The following HS3ST5 variants were observed in gnomAD, a reference collection of about 807,000 sequenced individuals.
HS3ST5 encodes the protein heparan sulfate-glucosamine 3-sulfotransferase 5, also known as heparan sulfate glucosamine 3-O-sulfotransferase 5.
Under a neutral mutation model 25.4 loss-of-function variants are expected in HS3ST5, and 10 were observed. The ratio of observed to expected loss-of-function variants is 0.39; its 90% CI spans 0.24 to 0.67. HS3ST5 has a LOEUF of 0.67. HS3ST5 is among the 30% of genes least tolerant of loss of function. The probability of loss-of-function intolerance (pLI) is 0.44; values close to 1 mark genes in which losing one functional copy is unlikely to be tolerated. For synonymous variants in HS3ST5, 170 were observed against 162.4 expected (o/e 1.05, Z -0.36); for missense variants, 324 against 420.7 (o/e 0.77, Z 2.01).
intron 1 of HS3ST5, among the ~76,000 whole-genome samples, chr6:114,234,122 A>C (rs1379699361): frequency 6.6e-6 from 1 of 152,128 alleles, no homozygotes; most frequent in Non-Finnish European, 1.5e-5. Context: ...GACGATGCAA[A>C]TTTTGTGCCT....
rs529777332 is a variant in HS3ST5, at chr6:114,189,686, T to G, written c.-144-21224A>C. On this transcript the variant is annotated intron_variant, in intron 2 of 4. Transcript: ENST00000312719. Reference sequence around the variant, plus strand: ...TTGTTTTCTGAATGTGCCTCTTTTATACCATACTCTTTTTCCACTGAGGCA... The same window carrying G: ...TTGTTTTCTGAATGTGCCTCTTTTAGACCATACTCTTTTTCCACTGAGGCA... Among the ~76,000 whole-genome samples, 6 of 152,338 alleles carry G rather than the reference T, an allele frequency of 3.9e-5. No homozygotes were observed. In the South Asian group the frequency reaches 1.2e-3, roughly 32 times the overall value.
intron 1 of HS3ST5, among the ~76,000 whole-genome samples, chr6:114,256,046 GCT>G (rs1478496611): frequency 6.6e-6 from 1 of 152,002 alleles, no homozygotes; most frequent in Non-Finnish European, 1.5e-5. Context: ...AAACTTTTAT[GCT>G]CTGTTTCCCT....
intron 3 of HS3ST5, among the ~76,000 whole-genome samples, chr6:114,162,026 T>C (rs1259155778): frequency 2.0e-5 from 3 of 152,090 alleles, no homozygotes; most frequent in Non-Finnish European, 4.4e-5. Context: ...AAATGAAACA[T>C]CATTTTTTAG....
chr6:114,236,774 T>C (rs1771875962), intron 1 of HS3ST5, among the ~76,000 whole-genome samples: 1 of 152,204 alleles, frequency 6.6e-6, no homozygotes, highest in Non-Finnish European at 1.5e-5. Flanking sequence ...CACTTTTCCA[T>C]CTCTCCACAA....
intron 3 of HS3ST5, among the ~76,000 whole-genome samples, chr6:114,106,939 C>T (rs1776022994): frequency 6.6e-6 from 1 of 151,974 alleles, no homozygotes; most frequent in East Asian, 1.9e-4. Flanking sequence ...AGAAGACCAA[C>T]AAATGGTATA....
At chr6:114,105,021 T>C (rs1775924067) in intron 3 of HS3ST5, among the ~76,000 whole-genome samples, 2 of 152,140 alleles carry the variant, frequency 1.3e-5, no homozygotes, top group African/African-American at 2.4e-5. Context: ...TTTTTTCCTA[T>C]GATCTCCCAG....
intron 1 of HS3ST5, among the ~76,000 whole-genome samples, chr6:114,308,684 G>A (rs1233093321): frequency 6.6e-6 from 1 of 152,150 alleles, no homozygotes; most frequent in Non-Finnish European, 1.5e-5. Context: ...ACATAGACCT[G>A]TAGCTCATGA....
intron 3 of HS3ST5, chr6:114,084,412 T>G: frequency 1.3e-6 from 1 of 755,832 alleles, no homozygotes; most frequent in Admixed American, 1.7e-5. Context: ...AGCAGCAGCC[T>G]GCTCTTCTTT....
intron 1 of HS3ST5, among the ~76,000 whole-genome samples, chr6:114,318,421 A>G (rs1464694889): frequency 2.0e-5 from 3 of 152,120 alleles, no homozygotes; most frequent in African/African-American, 7.2e-5. Context: ...TCAGGGATCT[A>G]ATATCAGACT....
chr6:114,297,542 T>C (rs1054905662), intron 1 of HS3ST5, among the ~76,000 whole-genome samples: 1 of 152,170 alleles, frequency 6.6e-6, no homozygotes, highest in Non-Finnish European at 1.5e-5. Flanking sequence ...AGAGTTAGTA[T>C]ATATTTTTTT....
intron 1 of HS3ST5, among the ~76,000 whole-genome samples, chr6:114,291,959 T>C (rs1358006843): frequency 6.6e-6 from 1 of 152,204 alleles, no homozygotes; most frequent in Admixed American, 6.5e-5. Flanking sequence ...CCAAAGTATG[T>C]TCTAAAGAGC....
At chr6:114,091,448 C>T (rs994908197) in intron 3 of HS3ST5, among the ~76,000 whole-genome samples, 1 of 151,706 alleles carries the variant, frequency 6.6e-6, no homozygotes, top group South Asian at 2.1e-4. Context: ...GAAGCCGAGG[C>T]GGGCAGATCA....
chr6:114,151,205 C>A (rs889939286), intron 3 of HS3ST5, among the ~76,000 whole-genome samples: 6 of 152,060 alleles, frequency 3.9e-5, no homozygotes, highest in Non-Finnish European at 8.8e-5. Context: ...ATTATCTGAC[C>A]CACAAAATAG....
intron 1 of HS3ST5, among the ~76,000 whole-genome samples, chr6:114,332,215 G>T (rs111686421): frequency 1.2e-4 from 18 of 152,066 alleles, no homozygotes; most frequent in African/African-American, 3.4e-4. Flanking sequence ...GAATACTAGA[G>T]AAAAATAGGT....
rs764997286 is a variant in HS3ST5 at position 114,057,988 on chromosome 6, T to C, written c.310A>G (p.Arg104Gly). The C allele has an allele frequency of 1.2e-6, 2 of 1,614,214 alleles. No homozygotes were observed. Among genetic ancestry groups the C allele is most frequent in the South Asian group, 2.2e-5 (2 of 91,082 alleles). ...IIIGVRKGGT[R>G]ALLEMLNLHP... ...AGGTTCAGCATTTCAAGCAGGGCCC[T>C]TGTGCCTCCTTTCCTCACCCCAATG... is the stretch of plus-strand genomic sequence containing the variant. The change falls in exon 5 of 5, where the codon AGG (arginine) becomes GGG (glycine). Residue 104 changes from arginine (R) to glycine (G), a missense_variant. Physicochemically the swap from Arg to Gly is moderately radical, Grantham distance 125 (BLOSUM62 -2). This residue lies in a region of HS3ST5 where 203 missense variants were observed against 303.4 expected (regional missense o/e 0.67). Coordinates refer to ENST00000312719, the MANE Select transcript of HS3ST5 (RefSeq NM_153612.4).
chr6:114,212,939 C>T lies in HS3ST5; in HGVS notation c.-145+15646G>A, dbSNP rs141548246. On this transcript the variant is annotated intron_variant, in intron 2 of 4. Transcript: ENST00000312719. The stretch of plus-strand genomic sequence containing the variant: ...GGTGCTGACAGGACTTTTAGCTTTG[C>T]TGTCTGCAAATGGCTTAAGTGTTTA... Among the ~76,000 whole-genome samples the T allele has an allele frequency of 3.9e-5, 6 of 152,270 alleles. No homozygotes were observed. In the East Asian group the frequency reaches 1.2e-3, roughly 29 times the overall value.
chr6:114,218,741 A>G (rs1245040414), intron 2 of HS3ST5, among the ~76,000 whole-genome samples: 1 of 152,152 alleles, frequency 6.6e-6, no homozygotes, highest in Non-Finnish European at 1.5e-5. Flanking sequence ...CAAACACGTA[A>G]CTTTTTTATG....
intron 3 of HS3ST5, among the ~76,000 whole-genome samples, chr6:114,155,149 A>T (rs1332150366): frequency 1.3e-5 from 2 of 152,184 alleles, no homozygotes; most frequent in South Asian, 4.1e-4. Context: ...CTCAGGCTTA[A>T]TGCTAATGTG....
chr6:114,164,950 A>T (rs1217149472), intron 3 of HS3ST5, among the ~76,000 whole-genome samples: 1 of 152,216 alleles, frequency 6.6e-6, no homozygotes, highest in Admixed American at 6.6e-5. Flanking sequence ...GGTCAAAACC[A>T]GTCATCAGCC....
Sources: allele counts gnomAD v4.1 joint callset (sites outside exome capture counted in the v4.1 genomes callset), GRCh38; gene constraint gnomAD v4.1.1; regional missense constraint gnomAD v4.1.1; transcripts MANE v1.5; gene names NCBI Gene and HGNC (gene_info 2026-07-23, HGNC 2026-07-21).